The following SYT16 variants were observed in gnomAD, a reference collection of about 807,000 sequenced individuals.
The protein encoded by SYT16 is synaptotagmin-16.
In SYT16, 42 loss-of-function variants were observed where a neutral mutation model predicts 61.4. The ratio of observed to expected loss-of-function variants is 0.68; its 90% confidence interval spans 0.53 to 0.89. The LOEUF (loss-of-function observed/expected upper bound fraction) is 0.89. SYT16 is among the 40% of genes least tolerant of loss of function. The pLI, the probability that SYT16 is intolerant of heterozygous loss-of-function variation, is 0.00. For missense variants in SYT16, 804 were observed against 807.3 expected, an observed-to-expected ratio of 1.00 and a Z score of 0.05; for synonymous variants, 314 against 302.3, an observed-to-expected ratio of 1.04 and a Z score of -0.40.
At position 61,827,525 on chromosome 14, in the gene SYT16, A is replaced by G. The variant is rs1421956347; in HGVS notation, c.-325+14715A>G. Among the ~76,000 whole-genome samples, 3 of 152,230 alleles carry G rather than the reference A, an allele frequency of 2.0e-5. No individual in the cohort carries two copies. The East Asian group carries it at 5.8e-4, about 29-fold the overall frequency. On this transcript the variant is annotated intron_variant, in intron 1 of 7. Coordinates refer to ENST00000683842, the MANE Select transcript of SYT16 (RefSeq NM_001367656.1). ...ATCTGAGGTGCAGCAATAGAGATAA[A>G]AGCATGTGTTCAGTCTGCCATTTTA...
intron 1 of SYT16, among the ~76,000 whole-genome samples, chr14:61,845,617 T>G (rs1305327857): frequency 2.0e-5 from 3 of 152,140 alleles, no homozygotes; most frequent in Admixed American, 6.5e-5. Flanking sequence ...TTTCTGAATT[T>G]TGTTTAGCTT....
intron 3 of SYT16, among the ~76,000 whole-genome samples, chr14:62,023,619 T>A (rs1351517408): frequency 6.6e-6 from 1 of 152,200 alleles, no homozygotes; most frequent in Non-Finnish European, 1.5e-5. Context: ...TTGAAGTGAA[T>A]GTGTAGATTA....
intron 1 of SYT16, among the ~76,000 whole-genome samples, chr14:61,912,383 T>C (rs779882385): frequency 1.3e-5 from 2 of 152,226 alleles, no homozygotes; most frequent in African/African-American, 2.4e-5. Context: ...TGTGTACTTA[T>C]GACCAATGAG....
chr14:61,993,974 C>T (rs2052662630), intron 2 of SYT16, among the ~76,000 whole-genome samples: 1 of 152,104 alleles, frequency 6.6e-6, no homozygotes, highest in South Asian at 2.1e-4. Flanking sequence ...GAGCAGGAGA[C>T]AGGTGTAAAC....
At chr14:61,831,599 C>T (rs533899931) in intron 1 of SYT16, among the ~76,000 whole-genome samples, 1 of 152,268 alleles carries the variant, frequency 6.6e-6, no homozygotes, top group South Asian at 2.1e-4. Context: ...GCTGAAGCAT[C>T]TCTTTCTGTG....
intron 1 of SYT16, among the ~76,000 whole-genome samples, chr14:61,859,893 T>G (rs1204611887): frequency 6.6e-6 from 1 of 152,142 alleles, no homozygotes; most frequent in Non-Finnish European, 1.5e-5. Flanking sequence ...TTGAAATAAT[T>G]TTATAATTCT....
At chr14:61,954,795 T>C (rs935460399) in intron 1 of SYT16, among the ~76,000 whole-genome samples, 2 of 152,188 alleles carry the variant, frequency 1.3e-5, no homozygotes, top group African/African-American at 4.8e-5. Flanking sequence ...TGTTACACAT[T>C]AATTGTAGCA....
chr14:61,863,655 G>GC (rs1197205902), intron 1 of SYT16, among the ~76,000 whole-genome samples: 1 of 152,188 alleles, frequency 6.6e-6, no homozygotes, highest in African/African-American at 2.4e-5. Flanking sequence ...TGTGGATTGT[G>GC]CCTTTGCTGC....
Position 61,901,829 on chromosome 14 carries a change from T to C in SYT16, c.-324-68303T>C, listed in dbSNP as rs780341840. Among the ~76,000 whole-genome samples the C allele has an allele frequency of 2.0e-5, 3 of 151,792 alleles. No individual in the cohort carries two copies. The East Asian group carries it at 5.8e-4, about 29-fold the overall frequency. The stretch of plus-strand genomic sequence containing the variant: ...CAGGCTGGAGTACAGTGGTGCAATC[T>C]TGGCTCACTGCAACCTCCACCTCCT... On this transcript the variant is annotated intron_variant, in intron 1 of 7. Transcript: ENST00000683842.
At chr14:62,075,114 G>C in intron 4 of SYT16, 21 bp from the exon 5 acceptor site, 1 of 1,584,338 alleles carries the variant, frequency 6.3e-7, no homozygotes, top group Non-Finnish European at 8.6e-7. Context: ...ATTTGAAATG[G>C]TTTTCTTATT....
chr14:61,890,181 GAAAAC>G (rs899938621), intron 1 of SYT16, among the ~76,000 whole-genome samples: 21 of 152,188 alleles, frequency 1.4e-4, no homozygotes, highest in Admixed American at 6.5e-5. Context: ...TGGTGGAAGT[GAAAAC>G]AGTAAGAAAG....
intron 3 of SYT16, among the ~76,000 whole-genome samples, chr14:62,044,328 G>C (rs1254826001): frequency 6.6e-6 from 1 of 152,116 alleles, no homozygotes; most frequent in African/African-American, 2.4e-5. Flanking sequence ...TACATGTGCA[G>C]AATGTGCAGG....
intron 2 of SYT16, among the ~76,000 whole-genome samples, chr14:61,989,784 C>A (rs1481749622): frequency 2.6e-5 from 4 of 152,120 alleles, no homozygotes; most frequent in African/African-American, 9.7e-5. Flanking sequence ...ATTAATATTT[C>A]TTTCCTTTGT....
chr14:61,839,247 T>C (rs1264533624), intron 1 of SYT16, among the ~76,000 whole-genome samples: 2 of 152,210 alleles, frequency 1.3e-5, no homozygotes, highest in African/African-American at 4.8e-5. Flanking sequence ...AATGGATTAA[T>C]GCCACTATAA....
chr14:62,006,404 CT>C lies in SYT16; in HGVS notation c.523+9866del, dbSNP rs140163304. Among the ~76,000 whole-genome samples, 187 of 152,230 alleles carry C rather than the reference CT, an allele frequency of 1.2e-3. 2 individuals carry two copies. The highest frequency in any genetic ancestry group is 4.4e-3 in the African/African-American group (183 of 41,550). On this transcript the variant is annotated intron_variant, in intron 3 of 7. Coordinates refer to ENST00000683842, the MANE Select transcript of SYT16 (RefSeq NM_001367656.1). Reference sequence around the variant, plus strand: ...GTCTTAAAAAGCCTTGTCAAGCTCGCTTTTCCCATTTAACCTTGAATTCTTT... The same window carrying C: ...GTCTTAAAAAGCCTTGTCAAGCTCGCTTTCCCATTTAACCTTGAATTCTTT...
chr14:62,060,820 G>A (rs1353737936), intron 3 of SYT16, among the ~76,000 whole-genome samples: 1 of 151,800 alleles, frequency 6.6e-6, no homozygotes, highest in Non-Finnish European at 1.5e-5. Flanking sequence ...GTTTATATTA[G>A]GATTATGCTG....
intron 2 of SYT16, among the ~76,000 whole-genome samples, chr14:61,990,776 C>T (rs1449075279): frequency 6.6e-6 from 1 of 152,128 alleles, no homozygotes; most frequent in African/African-American, 2.4e-5. Context: ...ACTAACAACC[C>T]TTAAAGGACT....
chr14:61,849,686 C>CAG (rs35372304), intron 1 of SYT16, among the ~76,000 whole-genome samples: 80,291 of 151,828 alleles, frequency 0.53, 23,536 homozygotes, highest in African/African-American at 0.8. Flanking sequence ...TGGCCACTGT[C>CAG]GGGGTGGGAG....
chr14:61,824,667 A>G (rs2045721430), intron 1 of SYT16, among the ~76,000 whole-genome samples: 1 of 152,116 alleles, frequency 6.6e-6, no homozygotes, highest in African/African-American at 2.4e-5. Flanking sequence ...AAGCATTTTA[A>G]TGTTTGCCCA....
Sources: allele counts gnomAD v4.1 joint callset (sites outside exome capture counted in the v4.1 genomes callset), GRCh38; gene constraint gnomAD v4.1.1; transcripts MANE v1.5; gene names NCBI Gene and HGNC (gene_info 2026-07-23, HGNC 2026-07-21).